The following NOP14 variants were observed in gnomAD, a reference collection of about 807,000 sequenced individuals.
The protein encoded by NOP14 is nucleolar protein 14.
In NOP14, 57 loss-of-function variants were observed where a neutral mutation model predicts 101.6. The observed-to-expected ratio is 0.56, with a 90% confidence interval of 0.45 to 0.70. The LOEUF (loss-of-function observed/expected upper bound fraction) is 0.70, where lower values mean the gene tolerates loss of function less well. NOP14 is among the 30% of genes least tolerant of loss of function. NOP14 has a pLI of 0.00. For missense variants in NOP14, 1,134 were observed against 1,075.5 expected, an observed-to-expected ratio of 1.05 and a Z score of -0.76; for synonymous variants, 428 against 424.0, an observed-to-expected ratio of 1.01 and a Z score of -0.12.
In NOP14 at chr4:2,957,637, T is replaced by G. The variant is rs774324502; in HGVS notation, c.299A>C (p.Lys100Thr). Residue 100 changes from lysine (K) to threonine (T), a missense_variant, in exon 2 of 18, where the codon AAG becomes ACG. Lys to Thr is a moderately conservative substitution (Grantham distance 78). Coordinates refer to ENST00000416614, the MANE Select transcript of NOP14 (RefSeq NM_001291978.2). The part of the protein sequence containing the change: ...EYNSNMSPEE[K>T]MMKRFALEQQ... ...TTCCAGAGCAAACCTCTTCATCATCTTCTCCTCGGGGCTCATGTTGCTGTT... is the reference window on the plus strand; with the variant it reads ...TTCCAGAGCAAACCTCTTCATCATCGTCTCCTCGGGGCTCATGTTGCTGTT... 1.2e-6 allele frequency: 2 copies of G among 1,614,206 alleles called. No individual in the cohort carries two copies. Among genetic ancestry groups the G allele is most frequent in the South Asian group, 2.2e-5 (2 of 91,088 alleles).
At chr4:2,945,281 T>C (rs1237582436) in intron 11 of NOP14, 52 bp from the exon 12 acceptor site, 2 of 1,344,308 alleles carry the variant, frequency 1.5e-6, no homozygotes, top group South Asian at 1.3e-5. Flanking sequence ...AGTCCATCCA[T>C]ATGCCCTCCC....
In NOP14 at chr4:2,963,153, C is replaced by A. The variant is rs762659818; in HGVS notation, c.167G>T (p.Gly56Val). The A allele has an allele frequency of 5.1e-6, 8 of 1,572,332 alleles. No homozygotes were observed. The Admixed American group carries it at 5.6e-5, about 11-fold the overall frequency. The change falls in exon 1 of 18, where the codon GGG becomes GTG. Residue 56 changes from glycine to valine, a missense_variant. By Grantham distance (109) the Gly-to-Val change is moderately radical. Transcript: ENST00000416614. ...RKTRHDVGLP[G>V]VSRARALRKR... is the part of the protein sequence containing the mutation. The stretch of plus-strand genomic sequence containing the variant: ...CCTGAGGGCCCGTGCGCGAGACACC[C>A]CGGGCAGTCCCACGTCGTGGCGCGT...
chr4:2,942,442 T>C (rs998908115), intron 13 of NOP14, 91 bp from the exon 14 acceptor site: 16 of 1,308,168 alleles, frequency 1.2e-5, no homozygotes, highest in African/African-American at 4.4e-5. Flanking sequence ...AAGTTCACCC[T>C]CTAACAGACG....
chr4:2,962,138 G>A (rs1716024589), intron 1 of NOP14, among the ~76,000 whole-genome samples: 1 of 152,246 alleles, frequency 6.6e-6, no homozygotes, highest in Non-Finnish European at 1.5e-5. Context: ...TGTGCTCTAT[G>A]TGCTATCTTA....
At chr4:2,957,495 G>A in intron 2 of NOP14, 111 bp downstream of exon 2, 1 of 1,312,296 alleles carries the variant, frequency 7.6e-7, no homozygotes, top group South Asian at 1.3e-5. Flanking sequence ...CTATCCCCTG[G>A]ACCTTCCGAG....
chr4:2,953,671 C>G, intron 4 of NOP14, 26 bp from the exon 5 acceptor site: 1 of 1,613,446 alleles, frequency 6.2e-7, no homozygotes, highest in African/African-American at 1.3e-5. Context: ...CAGACACACA[C>G]CACATACCGT....
rs1560310424 is a variant in NOP14, at chr4:2,960,698, TTAATATTAATATATTAATATTATAATC to T, written c.195+2400_195+2426del. On this transcript the variant is annotated intron_variant, in intron 1 of 17. Transcript: ENST00000416614. ...ATATTATATTAATATTATAATCACA[TTAATATTAATATATTAATATTATAATC>T]ACATTAATATTAATATATTAATATT... is the stretch of plus-strand genomic sequence containing the variant. Among the ~76,000 whole-genome samples, 893 of 138,516 alleles carry T rather than the reference TTAATATTAATATATTAATATTATAATC, an allele frequency of 6.4e-3. 92 individuals carry two copies. Among genetic ancestry groups the T allele is most frequent in the African/African-American group, 0.021 (767 of 36,542 alleles). 90.9% of individuals were successfully genotyped at this position (138,516 alleles called of 152,430 possible). A position where few individuals can be genotyped will look rare whatever the true frequency, so the allele number is the denominator to read the frequency against.
In NOP14 at chr4:2,942,434, G is replaced by T. The variant is rs1031668343; in HGVS notation, c.1892-83C>A. 10 of 1,396,066 alleles carry T rather than the reference G, an allele frequency of 7.2e-6. No individual in the cohort carries two copies. In the African/African-American group the frequency reaches 8.5e-5, roughly 12 times the overall value. The allele number at this position is 1,396,066 out of a possible 1,614,324, so 86.5% of individuals were successfully genotyped here. ...GCTCTGCGGCACCGAGCCTGTGGAA[G>T]TTCACCCTCTAACAGACGCACACCG... On this transcript the variant is annotated intron_variant, in intron 13 of 17. Transcript: ENST00000416614.
At chr4:2,956,265 T>G (rs975235436) in intron 3 of NOP14, among the ~76,000 whole-genome samples, 5 of 152,132 alleles carry the variant, frequency 3.3e-5, no homozygotes, top group Admixed American at 3.3e-4. Flanking sequence ...AGGCTGGAAT[T>G]GATAAAGTAG....
chr4:2,960,721 TAA>T (rs1715698471), intron 1 of NOP14, among the ~76,000 whole-genome samples: 2 of 131,450 alleles, frequency 1.5e-5, no homozygotes, highest in African/African-American at 6.2e-5. Flanking sequence ...ATTAATATTA[TAA>T]TCACATTAAT....
rs769195246 is a variant in NOP14, at chr4:2,939,520, C to T, written c.2318+7G>A. The stretch of plus-strand genomic sequence containing the variant: ...TGGCCTCCCAGGGAGATGCTGCCAG[C>T]ACCCACACTTTGACCAGCCGGGGTG... On this transcript the variant is annotated splice_region_variant and intron_variant, in intron 16 of 17. Coordinates refer to ENST00000416614, the MANE Select transcript of NOP14 (RefSeq NM_001291978.2). The T allele has an allele frequency of 1.2e-6, 2 of 1,612,144 alleles. No homozygotes were observed. The highest frequency in any genetic ancestry group is 3.3e-5 in the Admixed American group (2 of 60,020).
intron 13 of NOP14, among the ~76,000 whole-genome samples, chr4:2,942,794 T>G (rs572896841): frequency 6.6e-6 from 1 of 151,158 alleles, no homozygotes. Context: ...GGGGTGACGG[T>G]GGAGGGCGGG....
rs578225930 is a variant in NOP14, at chr4:2,938,181, G to C, written c.*650C>G. Reference sequence around the variant, plus strand: ...AGAAACAAAACCGCAGGCAGCGGGTGGGGGGAGCTGGAGGTTGGAATCACA... The same window carrying C: ...AGAAACAAAACCGCAGGCAGCGGGTCGGGGGAGCTGGAGGTTGGAATCACA... On this transcript the variant is annotated 3_prime_UTR_variant, in exon 18 of 18. Transcript: ENST00000416614. 1.9e-4 allele frequency: 246 copies of C among 1,284,768 alleles called. No individual in the cohort carries two copies. Among genetic ancestry groups the C allele is most frequent in the Non-Finnish European group, 2.4e-4 (239 of 986,572 alleles). 79.6% of individuals were successfully genotyped at this position (1,284,768 alleles called of 1,614,324 possible).
intron 1 of NOP14, 69 bp downstream of exon 1, chr4:2,963,056 A>C (rs1028105297): frequency 7.0e-7 from 1 of 1,426,046 alleles, no homozygotes; most frequent in Non-Finnish European, 9.2e-7. Context: ...ACCGAGAAGG[A>C]CGCAGCCGGC....
In NOP14 at chr4:2,938,688, G is replaced by C; in HGVS notation, c.*143C>G. The C allele has an allele frequency of 3.1e-6, 2 of 637,630 alleles. No homozygotes were observed. Among genetic ancestry groups the C allele is most frequent in the Non-Finnish European group, 5.4e-6 (2 of 369,774 alleles). The allele number at this position is 637,630 out of a possible 1,614,324, so 39.5% of individuals were successfully genotyped here. ...ACTTGGCTAATTTTTATGTTTTTTT[G>C]GTAGAGACGGGGTCTTCCTGTGTTG... On this transcript the variant is annotated 3_prime_UTR_variant, in exon 18 of 18. Coordinates refer to ENST00000416614, the MANE Select transcript of NOP14 (RefSeq NM_001291978.2).
intron 16 of NOP14, 43 bp from the exon 17 acceptor site, chr4:2,939,386 C>G: frequency 6.2e-7 from 1 of 1,612,702 alleles, no homozygotes; most frequent in Non-Finnish European, 8.5e-7. Context: ...GAGTCTGTCC[C>G]CACCTCTCAG....
chr4:2,957,828 A>G, intron 1 of NOP14, 88 bp from the exon 2 acceptor site: 1 of 1,372,244 alleles, frequency 7.3e-7, no homozygotes, highest in South Asian at 1.4e-5. Context: ...TTTAAAGTTC[A>G]GGGCTATGCA....
chr4:2,940,942 G>T, intron 15 of NOP14: 1 of 153,402 alleles, frequency 6.5e-6, no homozygotes. Context: ...GGTAGCTGCG[G>T]AGATGGCACT....
chr4:2,944,806 G>A (rs982500453), intron 12 of NOP14, among the ~76,000 whole-genome samples: 2 of 152,262 alleles, frequency 1.3e-5, no homozygotes, highest in Non-Finnish European at 2.9e-5. Flanking sequence ...AAAAGGAACA[G>A]CTTGAACTTT....
Sources: allele counts gnomAD v4.1 joint callset (sites outside exome capture counted in the v4.1 genomes callset), GRCh38; gene constraint gnomAD v4.1.1; transcripts MANE v1.5; gene names NCBI Gene and HGNC (gene_info 2026-07-23, HGNC 2026-07-21).